Variants in PAX8 observed in about 807,000 individuals in gnomAD.
The protein encoded by PAX8 is paired box 8.
In PAX8, 15 loss-of-function variants were observed where a neutral mutation model predicts 52.4. That is an observed-to-expected ratio of 0.29 (90% CI 0.19 to 0.44). PAX8 has a LOEUF of 0.44. PAX8 is among the 20% of genes least tolerant of loss of function. The probability of loss-of-function intolerance (pLI) is 1.00; values close to 1 mark genes in which losing one functional copy is unlikely to be tolerated. For missense variants in PAX8, 554 were observed against 602.5 expected (o/e 0.92, Z 0.84); for synonymous variants, 284 against 249.7 (o/e 1.14, Z -1.29).
At chr2:113,231,535 G>A (rs1007208225) in intron 9 of PAX8, among the ~76,000 whole-genome samples, 1 of 128,266 alleles carries the variant, frequency 7.8e-6, no homozygotes, top group African/African-American at 3.0e-5. Context: ...AGAGAAAAAC[G>A]CTATGAAGTA....
intron 3 of PAX8, 79 bp downstream of exon 3, chr2:113,246,675 A>G (rs1691343401): frequency 1.3e-6 from 2 of 1,495,444 alleles, no homozygotes; most frequent in Non-Finnish European, 1.8e-6. Flanking sequence ...CTGGGAGGGG[A>G]ATTCTCTAGC....
chr2:113,240,983 G>A (rs1195035883), intron 7 of PAX8: 1 of 197,428 alleles, frequency 5.1e-6, no homozygotes. Context: ...GGGCAGGGGA[G>A]GACTGACGGA....
chr2:113,218,709 T>C (rs1175516198), intron 11 of PAX8, 100 bp from the exon 12 acceptor site: 1 of 701,600 alleles, frequency 1.4e-6, no homozygotes, highest in Non-Finnish European at 2.4e-6. Context: ...ACAACACAAG[T>C]TAATCATTCA....
rs777231926 is a variant in PAX8 at position 113,278,425 on chromosome 2, G to A, written c.-31C>T. 1.2e-6 allele frequency: 2 copies of A among 1,610,354 alleles called. No homozygotes were observed. Among genetic ancestry groups the A allele is most frequent in the East Asian group, 2.2e-5 (1 of 44,830 alleles). ...GGGAGTCGCTCGCAGCCCGCCGAGG[G>A]CTCGGGGCTTCCTCCCGTAGGTCCG... On this transcript the variant is annotated 5_prime_UTR_variant, in exon 2 of 12. Transcript: ENST00000429538.
intron 2 of PAX8, chr2:113,263,551 C>T (rs564452300): frequency 6.6e-6 from 1 of 152,318 alleles, no homozygotes; most frequent in South Asian, 2.1e-4. Context: ...GTAGGTGGGG[C>T]TGGCACTTTG....
intron 2 of PAX8, among the ~76,000 whole-genome samples, chr2:113,258,649 C>T (rs1182658197): frequency 1.3e-5 from 2 of 152,246 alleles, no homozygotes; most frequent in African/African-American, 2.4e-5. Context: ...TAGCATTGAA[C>T]CCATTAAAGC....
chr2:113,264,666 A>G (rs1384837280), intron 2 of PAX8, among the ~76,000 whole-genome samples: 1 of 152,196 alleles, frequency 6.6e-6, no homozygotes, highest in African/African-American at 2.4e-5. Context: ...TTGTCACTGT[A>G]AGAAGCTAAG....
chr2:113,247,632 C>G (rs1691440008), intron 2 of PAX8, among the ~76,000 whole-genome samples: 1 of 152,202 alleles, frequency 6.6e-6, no homozygotes, highest in South Asian at 2.1e-4. Context: ...GGGAATCTAT[C>G]CACGTCATGG....
chr2:113,274,342 T>C (rs1005962537), intron 2 of PAX8: 3 of 152,182 alleles, frequency 2.0e-5, no homozygotes, highest in African/African-American at 7.2e-5. Flanking sequence ...GGGGTATCCC[T>C]TGGTGGTTAG....
intron 2 of PAX8, among the ~76,000 whole-genome samples, chr2:113,260,225 A>T (rs143412938): frequency 1.1e-3 from 169 of 152,244 alleles, no homozygotes; most frequent in African/African-American, 3.8e-3. Context: ...AACCTTAAAG[A>T]TTTTCAACAC....
rs182231841 is a variant in PAX8, at chr2:113,218,190, C to T, written c.*343G>A. On this transcript the variant is annotated 3_prime_UTR_variant, in exon 12 of 12. Coordinates refer to ENST00000429538, the MANE Select transcript of PAX8 (RefSeq NM_003466.4). ...CCCTTGGGCCCGGGCAGGAACCATT[C>T]GCCATCCCCCCAAGTTCCTCGGCTA... 2.4e-4 allele frequency: 69 copies of T among 283,144 alleles called. No homozygotes were observed. In the East Asian group the frequency reaches 2.9e-3, roughly 12 times the overall value. 17.5% of individuals were successfully genotyped at this position (283,144 alleles called of 1,614,324 possible). A position where few individuals can be genotyped will look rare whatever the true frequency, so the allele number is the denominator to read the frequency against.
intron 7 of PAX8, chr2:113,239,795 G>A (rs540620417): frequency 6.6e-6 from 1 of 152,292 alleles, no homozygotes; most frequent in Non-Finnish European, 1.5e-5. Flanking sequence ...GGTGACAGTG[G>A]ACCAGTCTGA....
At chr2:113,244,303 T>G in intron 4 of PAX8, 124 bp downstream of exon 4, 1 of 792,080 alleles carries the variant, frequency 1.3e-6, no homozygotes, top group Non-Finnish European at 2.2e-6. Context: ...CCCTGCCTGA[T>G]TGTTCAGCAT....
chr2:113,237,347 T>C (rs1690446289), intron 7 of PAX8: 1 of 152,228 alleles, frequency 6.6e-6, no homozygotes, highest in South Asian at 2.1e-4. Context: ...AGTAATATTA[T>C]GTCTGTGTTT....
chr2:113,237,024 G>A lies in PAX8; in HGVS notation c.778-303C>T, dbSNP rs138081997. The A allele has an allele frequency of 1.0e-3, 433 of 433,174 alleles. 2 individuals are homozygous for A. In the Middle Eastern group the frequency reaches 0.014, roughly 14 times the overall value. 26.8% of individuals were successfully genotyped at this position (433,174 alleles called of 1,614,324 possible). ...GTCGGCTTCCTGGTTTCACCACACT[G>A]TTGGGACCCACAGAATGCAGGACGG... On this transcript the variant is annotated intron_variant, in intron 7 of 11. Coordinates refer to ENST00000429538, the MANE Select transcript of PAX8 (RefSeq NM_003466.4).
rs142622487 is a variant in PAX8, at chr2:113,221,434, T to C, written c.1190-1256A>G. 2.6e-5 allele frequency among the ~76,000 whole-genome samples: 4 copies of C among 152,296 alleles called. No homozygotes were observed. In the East Asian group the frequency reaches 7.7e-4, roughly 29 times the overall value. On this transcript the variant is annotated intron_variant, in intron 10 of 11. Coordinates refer to ENST00000429538, the MANE Select transcript of PAX8 (RefSeq NM_003466.4). Reference sequence around the variant, plus strand: ...GACCTGTCTAGAGTCAAATCCTTACTTCCCATTTCCTGGTTATGTAAACTT... The same window carrying C: ...GACCTGTCTAGAGTCAAATCCTTACCTCCCATTTCCTGGTTATGTAAACTT...
intron 7 of PAX8, 50 bp from the exon 8 acceptor site, chr2:113,236,771 C>T: frequency 6.5e-7 from 1 of 1,538,566 alleles, no homozygotes; most frequent in Non-Finnish European, 8.7e-7. Context: ...ACAAGCCGAC[C>T]TTCCTGCAGA....
intron 3 of PAX8, among the ~76,000 whole-genome samples, chr2:113,246,271 A>G (rs761584417): frequency 6.6e-6 from 1 of 152,238 alleles, no homozygotes; most frequent in African/African-American, 2.4e-5. Context: ...GGTGACTGTA[A>G]TGTGCTACCA....
chr2:113,254,239 G>T (rs1228032042), intron 2 of PAX8, among the ~76,000 whole-genome samples: 1 of 152,156 alleles, frequency 6.6e-6, no homozygotes, highest in African/African-American at 2.4e-5. Context: ...CATTTTAATA[G>T]AACTGATTAC....
Sources: allele counts gnomAD v4.1 joint callset (sites outside exome capture counted in the v4.1 genomes callset), GRCh38; gene constraint gnomAD v4.1.1; transcripts MANE v1.5; gene names NCBI Gene and HGNC (gene_info 2026-07-23, HGNC 2026-07-21).